The following GALNTL6 variants were observed in gnomAD, a reference collection of about 807,000 sequenced individuals.
GALNTL6 encodes the protein polypeptide N-acetylgalactosaminyltransferase-like 6.
A neutral mutation model predicts 73.7 loss-of-function variants in GALNTL6; 46 were observed. The ratio of observed to expected loss-of-function variants is 0.62; its 90% CI spans 0.49 to 0.80. The LOEUF (loss-of-function observed/expected upper bound fraction) is 0.80. GALNTL6 is among the 30% of genes least tolerant of loss of function. The pLI is 0.00. For missense variants in GALNTL6, 604 were observed against 755.0 expected (o/e 0.80, Z 2.34); for synonymous variants, 259 against 263.7 (o/e 0.98, Z 0.17).
intron 5 of GALNTL6, among the ~76,000 whole-genome samples, chr4:172,526,605 C>T (rs1040102983): frequency 2.6e-5 from 4 of 152,068 alleles, no homozygotes; most frequent in Non-Finnish European, 1.5e-5. Context: ...TCTGTCTTTT[C>T]TTTTGGCTTT....
chr4:172,297,904 T>C (rs1739744700), intron 3 of GALNTL6, among the ~76,000 whole-genome samples: 1 of 152,198 alleles, frequency 6.6e-6, no homozygotes, highest in Admixed American at 6.5e-5. Flanking sequence ...CATTGGTAGC[T>C]TGATGGGGAT....
At chr4:172,561,632 C>T (rs997949713) in intron 5 of GALNTL6, among the ~76,000 whole-genome samples, 9 of 152,124 alleles carry the variant, frequency 5.9e-5, no homozygotes, top group African/African-American at 1.7e-4. Context: ...AAGTTTTCTA[C>T]GAAAGAAATG....
rs527657506 is a variant in GALNTL6 at position 172,168,416 on chromosome 4, A to T, written c.139-61240A>T. ...CCTGCCTCAGCCTAAAGTTTTTAAAATTTATTTAACTGTTTCCTTTATACA... is the reference window on the plus strand; with the variant it reads ...CCTGCCTCAGCCTAAAGTTTTTAAATTTTATTTAACTGTTTCCTTTATACA... On this transcript the variant is annotated intron_variant, in intron 2 of 12. Transcript: ENST00000506823. Among the ~76,000 whole-genome samples the T allele has an allele frequency of 1.8e-3, 279 of 152,218 alleles. 5 individuals are homozygous for T. The highest frequency in any genetic ancestry group is 4.4e-3 in the Admixed American group (67 of 15,288).
chr4:172,637,291 T>C (rs963624711), intron 5 of GALNTL6, among the ~76,000 whole-genome samples: 8 of 152,100 alleles, frequency 5.3e-5, no homozygotes, highest in Non-Finnish European at 1.0e-4. Context: ...AACTGTAAAA[T>C]TTATACTAAA....
chr4:172,279,972 G>A (rs62332768), intron 3 of GALNTL6, among the ~76,000 whole-genome samples: 1 of 152,074 alleles, frequency 6.6e-6, no homozygotes, highest in Non-Finnish European at 1.5e-5. Context: ...GAAACAAGCC[G>A]ATCACAAAGA....
intron 2 of GALNTL6, among the ~76,000 whole-genome samples, chr4:171,953,149 G>A (rs780174018): frequency 3.9e-5 from 6 of 152,010 alleles, no homozygotes; most frequent in Non-Finnish European, 8.8e-5. Context: ...TAGTGAAACA[G>A]CATAGTCGGT....
intron 3 of GALNTL6, among the ~76,000 whole-genome samples, chr4:172,301,483 C>T (rs28834139): frequency 0.018 from 2,743 of 152,140 alleles, 87 homozygotes; most frequent in African/African-American, 0.062. Context: ...TCTGTTTTTT[C>T]CCCATCTTTG....
At chr4:171,975,457 G>A (rs562021295) in intron 2 of GALNTL6, among the ~76,000 whole-genome samples, 1 of 152,206 alleles carries the variant, frequency 6.6e-6, no homozygotes, top group South Asian at 2.1e-4. Flanking sequence ...GACATACAAA[G>A]GTGAAGCTAC....
At chr4:172,752,046 TA>T (rs5864166) in intron 5 of GALNTL6, among the ~76,000 whole-genome samples, 2,055 of 134,958 alleles carry the variant, frequency 0.015, 25 homozygotes, top group African/African-American at 0.037. Flanking sequence ...AACTTAAACT[TA>T]AAAAAAAAAA....
intron 5 of GALNTL6, among the ~76,000 whole-genome samples, chr4:172,476,602 G>A (rs906819811): frequency 3.9e-5 from 6 of 152,076 alleles, no homozygotes; most frequent in Middle Eastern, 3.2e-3. Context: ...CCGCGTCATC[G>A]TATGACCAGG....
intron 2 of GALNTL6, among the ~76,000 whole-genome samples, chr4:171,956,449 G>T (rs1196888249): frequency 6.6e-6 from 1 of 152,010 alleles, no homozygotes; most frequent in African/African-American, 2.4e-5. Flanking sequence ...TATATGACAG[G>T]GTTGATAAAA....
chr4:171,816,968 G>A (rs1337660385), intron 2 of GALNTL6, among the ~76,000 whole-genome samples: 3 of 152,008 alleles, frequency 2.0e-5, no homozygotes, highest in African/African-American at 7.2e-5. Flanking sequence ...ATGTTAGCAA[G>A]GTGGCTAAAC....
At chr4:172,011,287 A>C (rs143191700) in intron 2 of GALNTL6, among the ~76,000 whole-genome samples, 3 of 152,082 alleles carry the variant, frequency 2.0e-5, no homozygotes, top group Non-Finnish European at 4.4e-5. Context: ...AAATTTGCGG[A>C]GGAAGAAAGT....
intron 2 of GALNTL6, among the ~76,000 whole-genome samples, chr4:171,930,883 C>G (rs1489716658): frequency 6.6e-6 from 1 of 152,104 alleles, no homozygotes; most frequent in African/African-American, 2.4e-5. Flanking sequence ...ATTATATACA[C>G]TTTCACCACT....
chr4:172,392,775 G>C (rs1323493299), intron 5 of GALNTL6, among the ~76,000 whole-genome samples: 2 of 152,064 alleles, frequency 1.3e-5, no homozygotes, highest in African/African-American at 4.8e-5. Flanking sequence ...TCGGGTTTTT[G>C]ACCTTTGAGA....
intron 2 of GALNTL6, among the ~76,000 whole-genome samples, chr4:171,882,037 A>T (rs1425235708): frequency 1.3e-5 from 2 of 152,016 alleles, no homozygotes; most frequent in Non-Finnish European, 2.9e-5. Context: ...AATTTCCCTT[A>T]TTTCACTCTC....
intron 2 of GALNTL6, among the ~76,000 whole-genome samples, chr4:172,001,998 C>T (rs920577995): frequency 1.3e-5 from 2 of 152,170 alleles, no homozygotes; most frequent in Admixed American, 1.3e-4. Context: ...CTCCCCAAGC[C>T]ATCCAAATGA....
At chr4:172,913,576 C>T (rs1018813219) in intron 8 of GALNTL6, among the ~76,000 whole-genome samples, 29 of 152,120 alleles carry the variant, frequency 1.9e-4, no homozygotes, top group African/African-American at 3.1e-4. Flanking sequence ...AACCATGGCA[C>T]GAGAACTACG....
intron 9 of GALNTL6, among the ~76,000 whole-genome samples, chr4:172,945,158 G>GCCAGA (rs1749104670): frequency 1.3e-5 from 2 of 151,710 alleles, no homozygotes; most frequent in Middle Eastern, 3.4e-3. Flanking sequence ...AGTGAAAGAA[G>GCCAGA]CCAGACAAAA....
Sources: gnomAD v4.1 joint callset for allele counts (sites outside exome capture counted in the v4.1 genomes callset) on GRCh38, gnomAD v4.1.1 for gene constraint, MANE v1.5 for transcripts, NCBI Gene and HGNC (gene_info 2026-07-23, HGNC 2026-07-21) for gene names.